The following HACE1 variants were observed in gnomAD, a reference collection of about 807,000 sequenced individuals.
The protein encoded by HACE1 is E3 ubiquitin-protein ligase HACE1.
A neutral mutation model predicts 118.4 loss-of-function variants in HACE1; 73 were observed. The observed-to-expected ratio is 0.62, with a 90% CI of 0.51 to 0.75. The LOEUF is 0.75. Among genes scored for constraint, HACE1 ranks in the 30% least tolerant of loss-of-function variants. The pLI, the probability that HACE1 is intolerant of heterozygous loss-of-function variation, is 0.00. For missense variants in HACE1, 749 were observed against 1,102.2 expected (o/e 0.68, Z 4.54); for synonymous variants, 368 against 374.8 (o/e 0.98, Z 0.21).
intron 19 of HACE1, among the ~76,000 whole-genome samples, chr6:104,756,408 T>C (rs951281333): frequency 1.9e-4 from 13 of 68,564 alleles, no homozygotes; most frequent in African/African-American, 3.5e-4. Flanking sequence ...CCAGATTCCA[T>C]CTCAAAAAAA....
At chr6:104,739,428 C>T (rs1421831605) in intron 22 of HACE1, among the ~76,000 whole-genome samples, 2 of 152,098 alleles carry the variant, frequency 1.3e-5, no homozygotes, top group Admixed American at 6.5e-5. Context: ...ACCCATCTCA[C>T]GTGCAGAGAC....
intron 3 of HACE1, among the ~76,000 whole-genome samples, chr6:104,850,229 T>A (rs1035306337): frequency 1.3e-5 from 2 of 152,186 alleles, no homozygotes; most frequent in Non-Finnish European, 2.9e-5. Context: ...GGATTACAGG[T>A]GTGAGCCCCT....
chr6:104,738,135 C>A (rs924365604), intron 22 of HACE1, among the ~76,000 whole-genome samples: 1 of 151,566 alleles, frequency 6.6e-6, no homozygotes, highest in Non-Finnish European at 1.5e-5. Context: ...AACTAACAAA[C>A]AGAAAGGACA....
At chr6:104,847,172 T>C (rs983578280) in intron 4 of HACE1, among the ~76,000 whole-genome samples, 6 of 152,236 alleles carry the variant, frequency 3.9e-5, no homozygotes, top group African/African-American at 1.4e-4. Flanking sequence ...GACTTATTTC[T>C]TGCTCCTCAC....
intron 19 of HACE1, among the ~76,000 whole-genome samples, chr6:104,759,814 A>G (rs112643090): frequency 0.034 from 5,216 of 151,622 alleles, 130 homozygotes; most frequent in Non-Finnish European, 0.054. Flanking sequence ...CAAGACTAAT[A>G]AAGATGAAAA....
At chr6:104,731,134 T>A (rs1309692023) in intron 22 of HACE1, 2 of 151,852 alleles carry the variant, frequency 1.3e-5, no homozygotes, top group African/African-American at 4.8e-5. Context: ...TCTATACACA[T>A]CAAAAAGAAA....
chr6:104,732,246 C>CA (rs1233330877), intron 22 of HACE1: 1 of 152,078 alleles, frequency 6.6e-6, no homozygotes, highest in African/African-American at 2.4e-5. Context: ...AGCACGGACT[C>CA]AAAGAAGTAT....
At chr6:104,734,224 T>C (rs1245382363) in intron 22 of HACE1, among the ~76,000 whole-genome samples, 2 of 151,686 alleles carry the variant, frequency 1.3e-5, no homozygotes, top group African/African-American at 4.8e-5. Flanking sequence ...GATGGCCTTA[T>C]AGAGCAACAA....
At chr6:104,810,727 T>C (rs1343008902) in intron 7 of HACE1, among the ~76,000 whole-genome samples, 1 of 152,032 alleles carries the variant, frequency 6.6e-6, no homozygotes, top group Non-Finnish European at 1.5e-5. Context: ...GCCGAATACA[T>C]GAATAAGTGA....
chr6:104,763,928 T>C (rs1779682507), intron 19 of HACE1, among the ~76,000 whole-genome samples: 2 of 152,068 alleles, frequency 1.3e-5, no homozygotes, highest in African/African-American at 4.8e-5. Flanking sequence ...TAGGCGCCTG[T>C]AATCCTAACT....
chr6:104,829,365 T>C (rs903694481), intron 6 of HACE1, among the ~76,000 whole-genome samples: 4 of 152,100 alleles, frequency 2.6e-5, no homozygotes, highest in Non-Finnish European at 2.9e-5. Flanking sequence ...ACTTATACAC[T>C]GAGATGTGAA....
Position 104,825,989 on chromosome 6 carries a change from G to A in HACE1, c.534+7053C>T, listed in dbSNP as rs569337881. Among the ~76,000 whole-genome samples, 5 of 152,238 alleles carry A rather than the reference G, an allele frequency of 3.3e-5. No homozygotes were observed. In the East Asian group the frequency reaches 9.7e-4, roughly 29 times the overall value. Reference sequence around the variant, plus strand: ...CAGGCCACACAGCAGGAGGTGAGTGGCAGGCAAGTGAACATCACTATCTGA... The same window carrying A: ...CAGGCCACACAGCAGGAGGTGAGTGACAGGCAAGTGAACATCACTATCTGA... On this transcript the variant is annotated intron_variant, in intron 6 of 23. Coordinates refer to ENST00000262903, the MANE Select transcript of HACE1 (RefSeq NM_020771.4).
chr6:104,857,876 G>C (rs1342639501), intron 1 of HACE1, among the ~76,000 whole-genome samples: 1 of 149,804 alleles, frequency 6.7e-6, no homozygotes, highest in Non-Finnish European at 1.5e-5. Context: ...AGAATAGCGT[G>C]AACCCCGGAG....
At chr6:104,800,319 G>A (rs1328312464) in intron 7 of HACE1, among the ~76,000 whole-genome samples, 1 of 152,210 alleles carries the variant, frequency 6.6e-6, no homozygotes, top group Non-Finnish European at 1.5e-5. Flanking sequence ...GATAACTTCT[G>A]CAGACTGAAA....
chr6:104,797,075 C>T, intron 7 of HACE1, 50 bp from the exon 8 acceptor site: 2 of 1,017,984 alleles, frequency 2.0e-6, no homozygotes, highest in African/African-American at 1.6e-5. Context: ...TAAAGTCTTT[C>T]TCTATGAATT....
At chr6:104,824,080 A>G (rs937191847) in intron 6 of HACE1, among the ~76,000 whole-genome samples, 16 of 152,324 alleles carry the variant, frequency 1.1e-4, no homozygotes, top group Non-Finnish European at 2.9e-5. Flanking sequence ...GGCTGTTAAC[A>G]CTTATCCAAC....
At chr6:104,756,744 G>C (rs780268698) in intron 19 of HACE1, among the ~76,000 whole-genome samples, 1 of 152,154 alleles carries the variant, frequency 6.6e-6, no homozygotes, top group African/African-American at 2.4e-5. Flanking sequence ...GCAGGGTGTC[G>C]TTTCACCCGG....
chr6:104,816,729 C>T (rs1424025763), intron 6 of HACE1, among the ~76,000 whole-genome samples: 1 of 152,162 alleles, frequency 6.6e-6, no homozygotes, highest in Non-Finnish European at 1.5e-5. Context: ...AGGAGACCCA[C>T]TGACAGCTTG....
chr6:104,839,895 A>G (rs1168472096), intron 5 of HACE1, among the ~76,000 whole-genome samples: 2 of 152,104 alleles, frequency 1.3e-5, no homozygotes, highest in Non-Finnish European at 2.9e-5. Flanking sequence ...GGTCCCAGCT[A>G]CTCGGGAGAC....
Sources: allele counts gnomAD v4.1 joint callset (sites outside exome capture counted in the v4.1 genomes callset), GRCh38; gene constraint gnomAD v4.1.1; transcripts MANE v1.5; gene names NCBI Gene and HGNC (gene_info 2026-07-23, HGNC 2026-07-21).